The following TMIGD1 variants were observed in gnomAD, a reference collection of about 807,000 sequenced individuals.
TMIGD1 encodes transmembrane and immunoglobulin domain-containing protein 1.
Under a neutral mutation model 27.5 loss-of-function variants are expected in TMIGD1, and 29 were observed. The observed-to-expected ratio is 1.05, with a 90% CI of 0.78 to 1.44. TMIGD1 has a LOEUF of 1.44. TMIGD1 is among the 40% of genes most tolerant of loss of function. The pLI is 0.00. For synonymous variants in TMIGD1, 109 were observed against 110.3 expected, an observed-to-expected ratio of 0.99 and a Z score of 0.07; for missense variants, 334 against 310.6, an observed-to-expected ratio of 1.08 and a Z score of -0.57.
At chr17:30,329,712 TGAAAAA>T (rs1909911090) in intron 2 of TMIGD1, among the ~76,000 whole-genome samples, 183 bp from the exon 3 acceptor site, 1 of 152,086 alleles carries the variant, frequency 6.6e-6, no homozygotes, top group Non-Finnish European at 1.5e-5. Flanking sequence ...TATTGTTAAC[TGAAAAA>T]GAAAAAGATT....
chr17:30,329,207 C>T, intron 3 of TMIGD1, 44 bp downstream of exon 3: 1 of 1,592,692 alleles, frequency 6.3e-7, no homozygotes, highest in Non-Finnish European at 8.6e-7. Flanking sequence ...TCATGTGTTA[C>T]AGACATTACA....
intron 6 of TMIGD1, 84 bp from the exon 7 acceptor site, chr17:30,316,774 C>T (rs888441555): frequency 9.9e-6 from 13 of 1,309,968 alleles, no homozygotes; most frequent in Non-Finnish European, 1.4e-5. Context: ...TCTCTGACAA[C>T]ATGCCTTTGT....
intron 2 of TMIGD1, among the ~76,000 whole-genome samples, chr17:30,330,039 C>T (rs1276972588): frequency 3.9e-5 from 6 of 152,006 alleles, no homozygotes; most frequent in African/African-American, 9.7e-5. Flanking sequence ...GAGCCAAGAT[C>T]GCACCATTGA....
At chr17:30,332,335 G>A (rs1263870138) in intron 1 of TMIGD1, among the ~76,000 whole-genome samples, 177 bp from the exon 2 acceptor site, 2 of 152,150 alleles carry the variant, frequency 1.3e-5, no homozygotes, top group Non-Finnish European at 2.9e-5. Context: ...AGTACATTTA[G>A]TAGTAAGAAA....
At chr17:30,316,848 C>A (rs759380724) in intron 6 of TMIGD1, 158 bp from the exon 7 acceptor site, 7 of 712,108 alleles carry the variant, frequency 9.8e-6, no homozygotes, top group South Asian at 1.8e-5. Flanking sequence ...AAAGAGAAGG[C>A]AGTATGGGGA....
Position 30,316,557 on chromosome 17 carries a change from T to A in TMIGD1, c.*130A>T, listed in dbSNP as rs564369654. On this transcript the variant is annotated 3_prime_UTR_variant, in exon 7 of 7. Transcript: ENST00000328886. ...GTATCAAATTAGTCCTAACAACTAC[T>A]GTTAAGTGATTAATGAAACAGGAGT... 2.3e-6 allele frequency: 2 copies of A among 884,658 alleles called. No homozygotes were observed. Among genetic ancestry groups the A allele is most frequent in the Non-Finnish European group, 3.6e-6 (2 of 559,768 alleles). The allele number at this position is 884,658 out of a possible 1,614,324, so 54.8% of individuals were successfully genotyped here. A position where few individuals can be genotyped will look rare whatever the true frequency, so the allele number is the denominator to read the frequency against.
Position 30,319,249 on chromosome 17 carries a change from G to GAAAAAAAAAAAA in TMIGD1, c.641-348_641-337dup, listed in dbSNP as rs1201681602. 9.6e-4 allele frequency among the ~76,000 whole-genome samples: 68 copies of GAAAAAAAAAAAA among 70,816 alleles called. 1 individual carries two copies. The highest frequency in any genetic ancestry group is 1.2e-3 in the Non-Finnish European group (45 of 38,542). 46.5% of individuals were successfully genotyped at this position (70,816 alleles called of 152,430 possible). ...TGAAACCCCATCTGTAAAAAAAAAA[G>GAAAAAAAAAAAA]AAAAAAAAAAAAATATATATATATA... On this transcript the variant is annotated intron_variant, in intron 4 of 6. Coordinates refer to ENST00000328886, the MANE Select transcript of TMIGD1 (RefSeq NM_206832.3).
intron 4 of TMIGD1, 143 bp from the exon 5 acceptor site, chr17:30,319,056 T>C: frequency 1.6e-6 from 1 of 635,370 alleles, no homozygotes; most frequent in Non-Finnish European, 2.8e-6. Context: ...ATGATTGTCC[T>C]CATTTCACAG....
intron 4 of TMIGD1, among the ~76,000 whole-genome samples, chr17:30,319,863 A>T (rs1387050628): frequency 6.6e-6 from 1 of 152,010 alleles, no homozygotes; most frequent in Non-Finnish European, 1.5e-5. Flanking sequence ...CTAGGGAAGT[A>T]GGACTCTAAG....
chr17:30,325,962 G>T lies in TMIGD1; in HGVS notation c.362-868C>A, dbSNP rs114095425. ...CTGTGCATATTCTGGCAGAAGTGCA[G>T]AATAGTAATGAAATGGTTGGAGAGT... On this transcript the variant is annotated intron_variant, in intron 3 of 6. Transcript: ENST00000328886. Among the ~76,000 whole-genome samples, 625 of 152,240 alleles carry T rather than the reference G, an allele frequency of 4.1e-3. 6 individuals are homozygous for T. The highest frequency in any genetic ancestry group is 0.014 in the African/African-American group (594 of 41,532).
chr17:30,316,726 C>T, intron 6 of TMIGD1, 36 bp from the exon 7 acceptor site: 3 of 1,603,368 alleles, frequency 1.9e-6, no homozygotes, highest in Non-Finnish European at 2.6e-6. Context: ...TAATGATGCT[C>T]ATAGCAATAA....
chr17:30,319,261 A>AAAAAAAAAAAATATATATATATATATAT, intron 4 of TMIGD1, among the ~76,000 whole-genome samples: 3 of 69,034 alleles, frequency 4.3e-5, no homozygotes, highest in African/African-American at 1.8e-4. Flanking sequence ...AAAAAAAAAA[A>AAAAAAAAAAAATATATATATATATATAT]ATATATATAT....
At chr17:30,329,586 T>C (rs1909908555) in intron 2 of TMIGD1, 57 bp from the exon 3 acceptor site, 1 of 1,455,464 alleles carries the variant, frequency 6.9e-7, no homozygotes, top group African/African-American at 1.4e-5. Flanking sequence ...TTAATGCTCA[T>C]GAACAGGGGA....
intron 3 of TMIGD1, 84 bp from the exon 4 acceptor site, chr17:30,325,178 C>T (rs1909738303): frequency 7.0e-7 from 1 of 1,428,818 alleles, no homozygotes; most frequent in Admixed American, 2.2e-5. Flanking sequence ...CAATCTATCT[C>T]ATGTGGTCAT....
intron 1 of TMIGD1, among the ~76,000 whole-genome samples, chr17:30,333,314 G>A (rs1457647424): frequency 9.9e-5 from 15 of 151,446 alleles, no homozygotes; most frequent in African/African-American, 3.4e-4. Flanking sequence ...GGTGGCGAGC[G>A]CCTGTAATCC....
At chr17:30,322,075 C>G (rs763530483) in intron 4 of TMIGD1, among the ~76,000 whole-genome samples, 21 of 152,216 alleles carry the variant, frequency 1.4e-4, no homozygotes, top group Non-Finnish European at 2.1e-4. Flanking sequence ...GCAACCCTCC[C>G]GCTCGGTCTC....
chr17:30,329,171 C>T lies in TMIGD1; in HGVS notation c.361+80G>A, dbSNP rs560472614. ...GCATAAATTGGGCAATTTGGCAATA[C>T]CAAGACCTAGATTTCAACTACCACT... On this transcript the variant is annotated intron_variant, in intron 3 of 6. Transcript: ENST00000328886. The T allele has an allele frequency of 9.8e-5, 152 of 1,544,078 alleles. 1 individual carries two copies. The highest frequency in any genetic ancestry group is 4.8e-4 in the Middle Eastern group (2 of 4,194).
chr17:30,322,452 A>G (rs1000615328), intron 4 of TMIGD1, among the ~76,000 whole-genome samples: 2 of 152,238 alleles, frequency 1.3e-5, no homozygotes, highest in Non-Finnish European at 2.9e-5. Context: ...TTACCAAGCC[A>G]GATAAAATGA....
At chr17:30,331,975 C>A (rs1909992978) in intron 2 of TMIGD1, 77 bp downstream of exon 2, 2 of 911,068 alleles carry the variant, frequency 2.2e-6, no homozygotes, top group East Asian at 5.0e-5. Context: ...AAGGATATAT[C>A]CAATGCCCAT....
Sources: allele counts gnomAD v4.1 joint callset (sites outside exome capture counted in the v4.1 genomes callset), GRCh38; gene constraint gnomAD v4.1.1; transcripts MANE v1.5; gene names NCBI Gene and HGNC (gene_info 2026-07-23, HGNC 2026-07-21).